ADGRL2: variants seen among roughly 807,000 people sequenced by gnomAD.
The protein encoded by ADGRL2 is calcium-independent alpha-latrotoxin receptor 2.
In ADGRL2, 44 loss-of-function variants were observed where a neutral mutation model predicts 157.4. The ratio of observed to expected loss-of-function variants is 0.28; its 90% CI spans 0.22 to 0.36. The LOEUF is 0.36. Among genes scored for constraint, ADGRL2 ranks in the 10% least tolerant of loss-of-function variants. The pLI is 1.00. For synonymous variants in ADGRL2, 585 were observed against 624.7 expected, an observed-to-expected ratio of 0.94 and a Z score of 0.95; for missense variants, 1,510 against 1,768.9, an observed-to-expected ratio of 0.85 and a Z score of 2.63.
chr1:81,429,793 C>T (rs190919099), intron 1 of ADGRL2, among the ~76,000 whole-genome samples: 1 of 152,216 alleles, frequency 6.6e-6, no homozygotes, highest in African/African-American at 2.4e-5. Context: ...TGCCAGGCAA[C>T]GTTTCGGGTA....
intron 11 of ADGRL2, among the ~76,000 whole-genome samples, chr1:81,961,063 CACT>C (rs1341041126): frequency 1.3e-5 from 2 of 152,258 alleles, no homozygotes; most frequent in African/African-American, 4.8e-5. Context: ...TCATTACAGC[CACT>C]ACTTGCTGAG....
chr1:81,663,986 A>G (rs1473580656), intron 3 of ADGRL2, among the ~76,000 whole-genome samples: 2 of 152,302 alleles, frequency 1.3e-5, no homozygotes, highest in Non-Finnish European at 2.9e-5. Context: ...TTACAAAGCT[A>G]GAAAGATCAT....
chr1:81,568,646 T>C (rs1017202576), intron 2 of ADGRL2, among the ~76,000 whole-genome samples: 1 of 152,196 alleles, frequency 6.6e-6, no homozygotes, highest in African/African-American at 2.4e-5. Flanking sequence ...ACGTTGGTTT[T>C]GTTCAATAAT....
At chr1:81,669,899 A>C (rs1328616363) in intron 3 of ADGRL2, among the ~76,000 whole-genome samples, 2 of 148,806 alleles carry the variant, frequency 1.3e-5, no homozygotes, top group African/African-American at 2.5e-5. Context: ...GTCGAGATCA[A>C]GCCACTGCAC....
intron 3 of ADGRL2, among the ~76,000 whole-genome samples, chr1:81,677,533 T>G (rs2083022277): frequency 6.6e-6 from 1 of 152,222 alleles, no homozygotes; most frequent in Non-Finnish European, 1.5e-5. Flanking sequence ...CTTAGAAGCA[T>G]CACCATCTAG....
At chr1:81,963,169 C>T (rs1572394495) in intron 11 of ADGRL2, among the ~76,000 whole-genome samples, 1 of 137,692 alleles carries the variant, frequency 7.3e-6, no homozygotes, top group Non-Finnish European at 1.7e-5. Flanking sequence ...ACTTATACTT[C>T]TTTTTTTTAT....
intron 6 of ADGRL2, 44 bp from the exon 7 acceptor site, chr1:81,950,145 G>A: frequency 1.3e-6 from 2 of 1,530,142 alleles, no homozygotes; most frequent in Admixed American, 1.7e-5. Context: ...GTATGTGAGT[G>A]CAAGTGTGTG....
intron 16 of ADGRL2, 43 bp downstream of exon 16, chr1:81,970,577 T>C (rs770058049): frequency 6.7e-7 from 1 of 1,483,670 alleles, no homozygotes; most frequent in Admixed American, 1.7e-5. Flanking sequence ...AAGTGAATAA[T>C]TTTTTAAAGC....
At chr1:81,922,374 A>T (rs1033674345) in intron 3 of ADGRL2, among the ~76,000 whole-genome samples, 1 of 152,192 alleles carries the variant, frequency 6.6e-6, no homozygotes, top group Non-Finnish European at 1.5e-5. Context: ...AGGATCTTTC[A>T]AAGATTGTGT....
chr1:81,403,241 TGTTG>T (rs747078568), intron 1 of ADGRL2, among the ~76,000 whole-genome samples: 1,233 of 120,682 alleles, frequency 0.01, 10 homozygotes, highest in Non-Finnish European at 0.017. Context: ...TTTTTTTTGT[TGTTG>T]TTTGTTTGTT....
chr1:81,412,751 GATGGATGAATAC>G (rs1475425665), intron 1 of ADGRL2, among the ~76,000 whole-genome samples: 2 of 152,158 alleles, frequency 1.3e-5, no homozygotes, highest in African/African-American at 4.8e-5. Context: ...TAGATTTATT[GATGGATGAATAC>G]ATGGATGGAT....
At chr1:81,340,218 G>C (rs974123430) in intron 1 of ADGRL2, among the ~76,000 whole-genome samples, 1 of 152,200 alleles carries the variant, frequency 6.6e-6, no homozygotes, top group Admixed American at 6.5e-5. Context: ...TAAACAAACA[G>C]TATGTTATCT....
At chr1:81,431,216 G>T (rs370206650) in intron 1 of ADGRL2, among the ~76,000 whole-genome samples, 1 of 152,118 alleles carries the variant, frequency 6.6e-6, no homozygotes, top group Admixed American at 6.5e-5. Context: ...AGGTAGGGTG[G>T]GGAGTTGGGA....
intron 3 of ADGRL2, among the ~76,000 whole-genome samples, chr1:81,665,310 G>A (rs1570774269): frequency 6.6e-6 from 1 of 152,070 alleles, no homozygotes; most frequent in South Asian, 2.1e-4. Flanking sequence ...GATATCAGTT[G>A]CATTTTCCTT....
intron 3 of ADGRL2, among the ~76,000 whole-genome samples, chr1:81,907,898 T>A (rs2094619138): frequency 6.6e-6 from 1 of 152,236 alleles, no homozygotes; most frequent in South Asian, 2.1e-4. Flanking sequence ...AATACCTTCA[T>A]GTGCCACATA....
intron 3 of ADGRL2, among the ~76,000 whole-genome samples, chr1:81,677,317 G>T (rs1383700631): frequency 1.3e-5 from 2 of 152,124 alleles, no homozygotes; most frequent in African/African-American, 4.8e-5. Context: ...GAAGATTCAG[G>T]TTCAAATCCC....
rs982233520 is a variant in ADGRL2, at chr1:81,503,393, G to C, written c.-248+58304G>C. On this transcript the variant is annotated intron_variant, in intron 2 of 24. Transcript: ENST00000370721. ...GGCAGCAGCGCCAGCAGCAGCAGCA[G>C]CTCTCACTGTTCACCAAGTCCTACC... 1.9e-5 allele frequency: 30 copies of C among 1,613,568 alleles called. No homozygotes were observed. In the African/African-American group the frequency reaches 3.7e-4, roughly 20 times the overall value.
chr1:81,498,044 A>AAAT lies in ADGRL2; in HGVS notation c.-248+52973_-248+52975dup, dbSNP rs1370962565. Among the ~76,000 whole-genome samples the AAAT allele has an allele frequency of 1.6e-3, 240 of 152,006 alleles. 1 individual carries two copies. Among genetic ancestry groups the AAAT allele is most frequent in the African/African-American group, 4.8e-3 (198 of 41,478 alleles). On this transcript the variant is annotated intron_variant, in intron 2 of 24. Coordinates refer to the ADGRL2 transcript ENST00000370721. ...ACATGGTGAAACCTCGTCTCTACTAAAATAATAATAATAATAATAAATGAA... is the reference window on the plus strand; with the variant it reads ...ACATGGTGAAACCTCGTCTCTACTAAAATAATAATAATAATAATAATAAATGAA...
chr1:81,993,914 A>G lies in ADGRL2; in HGVS notation c.*2769A>G. The G allele has an allele frequency of 4.8e-6, 1 of 207,078 alleles. No homozygotes were observed. Among genetic ancestry groups the G allele is most frequent in the South Asian group, 6.6e-5 (1 of 15,166 alleles). 12.8% of individuals were successfully genotyped at this position (207,078 alleles called of 1,614,324 possible). A position where few individuals can be genotyped will look rare whatever the true frequency, so the allele number is the denominator to read the frequency against. On this transcript the variant is annotated 3_prime_UTR_variant, in exon 24 of 24. Transcript: ENST00000686636. Reference sequence around the variant, plus strand: ...ATTAAAAATAATAATAATAATAATAAACGTTATCTTGTTGGCCAGACTGGT... The same window carrying G: ...ATTAAAAATAATAATAATAATAATAGACGTTATCTTGTTGGCCAGACTGGT...
Sources: gnomAD v4.1 joint callset for allele counts (sites outside exome capture counted in the v4.1 genomes callset) on GRCh38, gnomAD v4.1.1 for gene constraint, MANE v1.5 for transcripts, NCBI Gene and HGNC (gene_info 2026-07-23, HGNC 2026-07-21) for gene names.